ZNF835: variants seen among roughly 807,000 people sequenced by gnomAD.
ZNF835 encodes the protein zinc finger protein 835.
For missense variants in ZNF835, 783 were observed against 758.4 expected, an observed-to-expected ratio of 1.03 and a Z score of -0.38; for synonymous variants, 323 against 324.7, an observed-to-expected ratio of 0.99 and a Z score of 0.06.
At position 56,665,025 on chromosome 19, in the gene ZNF835, G is replaced by A; in HGVS notation, c.174C>T (p.Ser58=). ...GGCTCGATATGGTTCTTGGGATTCG[G>A]CTGAATTCATCGCGTTCCTGCATGC... ...GDSMQERDEF[S]RIPRTISSPA... Residue 58 remains serine, a synonymous_variant, in exon 2 of 2, where the codon AGC becomes AGT. Coordinates refer to ENST00000537055, the MANE Select transcript of ZNF835 (RefSeq NM_001005850.3). 1.2e-6 allele frequency: 2 copies of A among 1,614,056 alleles called. No homozygotes were observed. Among genetic ancestry groups the A allele is most frequent in the Admixed American group, 1.7e-5 (1 of 60,036 alleles).
At position 56,665,048 on chromosome 19, in the gene ZNF835, T is replaced by C; in HGVS notation, c.151A>G (p.Met51Val). The C allele has an allele frequency of 6.2e-7, 1 of 1,614,040 alleles. No individual in the cohort carries two copies. Among genetic ancestry groups the C allele is most frequent in the African/African-American group, 1.3e-5 (1 of 75,080 alleles). Reference sequence around the variant, plus strand: ...CGGCTGAATTCATCGCGTTCCTGCATGCTGTCCCCAGCAGGGTCTCCCTTG... The same window carrying C: ...CGGCTGAATTCATCGCGTTCCTGCACGCTGTCCCCAGCAGGGTCTCCCTTG... ...ACKGDPAGDSMQERDEFSRIP... is the reference protein window; with the variant it reads ...ACKGDPAGDSVQERDEFSRIP... The change falls in exon 2 of 2, where the codon ATG (methionine) becomes GTG (valine). Residue 51 changes from methionine (M) to valine (V), a missense_variant. Coordinates refer to ENST00000537055, the MANE Select transcript of ZNF835 (RefSeq NM_001005850.3).
intron 1 of ZNF835, among the ~76,000 whole-genome samples, chr19:56,665,749 G>C (rs546028742): frequency 6.6e-6 from 1 of 152,320 alleles, no homozygotes; most frequent in African/African-American, 2.4e-5. Flanking sequence ...GCTGCAGTGA[G>C]TAGTGATCAC....
chr19:56,668,567 C>G (rs2045264613), intron 1 of ZNF835, among the ~76,000 whole-genome samples: 1 of 151,998 alleles, frequency 6.6e-6, no homozygotes, highest in Admixed American at 6.6e-5. Flanking sequence ...ATTCTTTCTG[C>G]CTGACATGCT....
chr19:56,670,559 T>TTCACACA (rs1160277086), intron 1 of ZNF835, among the ~76,000 whole-genome samples: 1 of 152,040 alleles, frequency 6.6e-6, no homozygotes, highest in Non-Finnish European at 1.5e-5. Flanking sequence ...CACACGTAGC[T>TTCACACA]CCCTGTGTGA....
At position 56,664,942 on chromosome 19, in the gene ZNF835, G is replaced by A; in HGVS notation, c.257C>T (p.Pro86Leu). Residue 86 changes from proline (P) to leucine (L), a missense_variant, in exon 2 of 2, where the codon CCT becomes CTT. Transcript: ENST00000537055. ...DDSSSRRCSA[P>L]GESPKERHPD... Reference sequence around the variant, plus strand: ...ATGCCTCTCCTTCGGGCTCTCCCCAGGCGCGCTGCACCTCCGGGAACTGCT... The same window carrying A: ...ATGCCTCTCCTTCGGGCTCTCCCCAAGCGCGCTGCACCTCCGGGAACTGCT... 2 of 1,614,040 alleles carry A rather than the reference G, an allele frequency of 1.2e-6. No homozygotes were observed. The highest frequency in any genetic ancestry group is 2.2e-5 in the East Asian group (1 of 44,882).
Position 56,664,930 on chromosome 19 carries a change from G to C in ZNF835, c.269C>G (p.Pro90Arg), listed in dbSNP as rs765890998. Residue 90 changes from proline (P) to arginine (R), a missense_variant, in exon 2 of 2, where the codon CCG becomes CGG. By Grantham distance (103) the Pro-to-Arg change is moderately radical. Coordinates refer to ENST00000537055, the MANE Select transcript of ZNF835 (RefSeq NM_001005850.3). ...GCGGCTGTCAGGATGCCTCTCCTTCGGGCTCTCCCCAGGCGCGCTGCACCT... is the reference window on the plus strand; with the variant it reads ...GCGGCTGTCAGGATGCCTCTCCTTCCGGCTCTCCCCAGGCGCGCTGCACCT... ...SRRCSAPGES[P>R]KERHPDSRQR... 3.7e-6 allele frequency: 6 copies of C among 1,613,852 alleles called. No homozygotes were observed. Among genetic ancestry groups the C allele is most frequent in the Admixed American group, 3.3e-5 (2 of 60,010 alleles).
Position 56,665,491 on chromosome 19 carries a change from A to G in ZNF835, c.-47-246T>C, listed in dbSNP as rs1315736340. ...ACCCCTCAACCCCTGAGTTGTAACA[A>G]TGAAAAATGTCTCCAGGCCGGACGT... On this transcript the variant is annotated intron_variant, in intron 1 of 1. Transcript: ENST00000537055. 3 of 650,300 alleles carry G rather than the reference A, an allele frequency of 4.6e-6. No individual in the cohort carries two copies. In the Admixed American group the frequency reaches 5.4e-5, roughly 12 times the overall value. 40.3% of individuals were successfully genotyped at this position (650,300 alleles called of 1,614,324 possible).
Position 56,663,823 on chromosome 19 carries a change from G to A in ZNF835, c.1376C>T (p.Ser459Phe). 1 of 1,614,040 alleles carries A rather than the reference G, an allele frequency of 6.2e-7. No individual in the cohort carries two copies. Among genetic ancestry groups the A allele is most frequent in the Non-Finnish European group, 8.5e-7 (1 of 1,180,000 alleles). ...CACGATGTGGTGCTGGATCAGGTAG[G>A]AGCGGTTGCTGAAGGCCTTGCCGCA... Reference protein sequence around the residue: ...PECGKAFSNRSYLIQHHIVHT... With the variant: ...PECGKAFSNRFYLIQHHIVHT... Residue 459 changes from serine to phenylalanine, a missense_variant, in exon 2 of 2, where the codon TCC (serine) becomes TTC (phenylalanine). Physicochemically the swap from Ser to Phe is radical, Grantham distance 155. Transcript: ENST00000537055.
Position 56,664,917 on chromosome 19 carries a change from A to G in ZNF835, c.282T>C (p.His94=), listed in dbSNP as rs2045231247. The G allele has an allele frequency of 1.9e-6, 3 of 1,613,914 alleles. No individual in the cohort carries two copies. In the South Asian group the frequency reaches 3.3e-5, roughly 18 times the overall value. ...SAPGESPKER[H]PDSRQRERGG... The stretch of plus-strand genomic sequence containing the variant: ...CTCTCTCCCGCTGGCGGCTGTCAGG[A>G]TGCCTCTCCTTCGGGCTCTCCCCAG... The change falls in exon 2 of 2, where the codon CAT becomes CAC. Residue 94 remains histidine, a synonymous_variant. Transcript: ENST00000537055.
At chr19:56,666,883 G>A (rs1264901618) in intron 1 of ZNF835, among the ~76,000 whole-genome samples, 1 of 152,184 alleles carries the variant, frequency 6.6e-6, no homozygotes, top group Non-Finnish European at 1.5e-5. Context: ...GCCCTCACCA[G>A]ACAGAATCAG....
chr19:56,669,159 C>G (rs774954210), intron 1 of ZNF835, among the ~76,000 whole-genome samples: 1 of 152,148 alleles, frequency 6.6e-6, no homozygotes, highest in Non-Finnish European at 1.5e-5. Flanking sequence ...GCTCACATAG[C>G]TCATTGAACT....
Position 56,663,300 on chromosome 19 carries a change from CAGAG to C in ZNF835, c.*281_*284del. 1 of 475,366 alleles carries C rather than the reference CAGAG, an allele frequency of 2.1e-6. No homozygotes were observed. The highest frequency in any genetic ancestry group is 3.8e-6 in the Non-Finnish European group (1 of 264,462). The allele number at this position is 475,366 out of a possible 1,614,324, so 29.4% of individuals were successfully genotyped here. On this transcript the variant is annotated 3_prime_UTR_variant, in exon 2 of 2. Transcript: ENST00000537055. ...CTCCACTGCACTCTAGCCTGGGTGA[CAGAG>C]AGAGACACTGTCTCAAAGAAAAAAA...
rs1305623723 is a variant in ZNF835, at chr19:56,663,280, C to T, written c.*305G>A. On this transcript the variant is annotated 3_prime_UTR_variant, in exon 2 of 2. Coordinates refer to ENST00000537055, the MANE Select transcript of ZNF835 (RefSeq NM_001005850.3). ...GTTTCAGTGAGCCGAGATCGCTCCA[C>T]TGCACTCTAGCCTGGGTGACAGAGA... 4.7e-6 allele frequency: 2 copies of T among 423,656 alleles called. No individual in the cohort carries two copies. Among genetic ancestry groups the T allele is most frequent in the Admixed American group, 4.0e-5 (1 of 24,836 alleles). 26.2% of individuals were successfully genotyped at this position (423,656 alleles called of 1,614,324 possible). A position where few individuals can be genotyped will look rare whatever the true frequency, so the allele number is the denominator to read the frequency against.
chr19:56,671,493 G>A (rs62130951), intron 1 of ZNF835, 83 bp downstream of exon 1: 25,490 of 152,346 alleles, frequency 0.17, 2,571 homozygotes, highest in East Asian at 0.41. Context: ...ACACCGCTAA[G>A]TGAACAGGTG....
chr19:56,667,566 C>G (rs2045256486), intron 1 of ZNF835, among the ~76,000 whole-genome samples: 2 of 152,258 alleles, frequency 1.3e-5, no homozygotes. Context: ...GCCCCTCACA[C>G]ACAGGCATTC....
chr19:56,664,908 G>A lies in ZNF835; in HGVS notation c.291C>T (p.Ser97=), dbSNP rs768295800. 5 of 1,613,912 alleles carry A rather than the reference G, an allele frequency of 3.1e-6. No homozygotes were observed. The highest frequency in any genetic ancestry group is 4.2e-6 in the Non-Finnish European group (5 of 1,179,892). The change falls in exon 2 of 2, where the codon AGC becomes AGT. Residue 97 remains serine, a synonymous_variant. Coordinates refer to ENST00000537055, the MANE Select transcript of ZNF835 (RefSeq NM_001005850.3). ...GGCCTCCACCTCTCTCCCGCTGGCG[G>A]CTGTCAGGATGCCTCTCCTTCGGGC... ...GESPKERHPD[S]RQRERGGGPK...
intron 1 of ZNF835, among the ~76,000 whole-genome samples, chr19:56,667,508 C>G (rs1314014676): frequency 6.6e-6 from 1 of 152,232 alleles, no homozygotes; most frequent in South Asian, 2.1e-4. Flanking sequence ...TCCCGAGGGA[C>G]ATGGCAGGTC....
At position 56,664,842 on chromosome 19, in the gene ZNF835, G is replaced by GT; in HGVS notation, c.356_357insA (p.Phe119LeufsTer129). The GT allele has an allele frequency of 1.2e-6, 2 of 1,613,886 alleles. No homozygotes were observed. Among genetic ancestry groups the GT allele is most frequent in the Non-Finnish European group, 1.7e-6 (2 of 1,179,860 alleles). On this transcript the variant is annotated frameshift_variant, in exon 2 of 2. Coordinates refer to ENST00000537055, the MANE Select transcript of ZNF835 (RefSeq NM_001005850.3). LOFTEE classifies it low-confidence loss of function (END_TRUNC). ...GTAAGATGAACGCTGAACAGTAGCT[G>GT]AAGGCCTTCCCGCAGTCCCCGCATT...
intron 1 of ZNF835, among the ~76,000 whole-genome samples, chr19:56,668,100 C>T (rs573705249): frequency 4.6e-5 from 7 of 151,796 alleles, no homozygotes; most frequent in African/African-American, 7.2e-5. Context: ...CGGGTTCAAG[C>T]GATTCTCCTG....
Sources: allele counts gnomAD v4.1 joint callset (sites outside exome capture counted in the v4.1 genomes callset), GRCh38; gene constraint gnomAD v4.1.1; transcripts MANE v1.5; gene names NCBI Gene and HGNC (gene_info 2026-07-23, HGNC 2026-07-21).